SRPK2: variants seen among roughly 807,000 people sequenced by gnomAD.
SRPK2 encodes the protein SFRS protein kinase 2.
A neutral mutation model predicts 90.8 loss-of-function variants in SRPK2; 21 were observed. The ratio of observed to expected loss-of-function variants is 0.23; its 90% CI spans 0.16 to 0.33. The LOEUF is 0.33. SRPK2 is among the 10% of genes least tolerant of loss of function. SRPK2 has a pLI of 1.00. For missense variants in SRPK2, 620 were observed against 869.0 expected, an observed-to-expected ratio of 0.71 and a Z score of 3.60; for synonymous variants, 288 against 311.1, an observed-to-expected ratio of 0.93 and a Z score of 0.78.
chr7:105,316,776 C>T (rs1420719531), intron 2 of SRPK2, among the ~76,000 whole-genome samples: 1 of 152,216 alleles, frequency 6.6e-6, no homozygotes, highest in Non-Finnish European at 1.5e-5. Context: ...CATGTGGAGG[C>T]AAGCATGGCC....
In SRPK2 at chr7:105,157,205, G is replaced by C. The variant is rs145470284; in HGVS notation, c.621+3302C>G. Among the ~76,000 whole-genome samples the C allele has an allele frequency of 3.4e-3, 512 of 152,294 alleles. 1 individual carries two copies. The highest frequency in any genetic ancestry group is 9.3e-3 in the African/African-American group (387 of 41,568). Reference sequence around the variant, plus strand: ...AAGAACATCAAGAGTAAAAGACATGGCAAAGGAGAGTTCAACAGGCGGGTT... The same window carrying C: ...AAGAACATCAAGAGTAAAAGACATGCCAAAGGAGAGTTCAACAGGCGGGTT... On this transcript the variant is annotated intron_variant, in intron 7 of 15. Transcript: ENST00000393651.
chr7:105,223,823 G>A (rs1798387034), intron 2 of SRPK2, among the ~76,000 whole-genome samples: 1 of 152,184 alleles, frequency 6.6e-6, no homozygotes, highest in African/African-American at 2.4e-5. Context: ...AAATACCTAA[G>A]TGTGCTTCAT....
Position 105,321,406 on chromosome 7 carries a change from TGGG to T in SRPK2, c.71+67239_71+67241del, listed in dbSNP as rs141386093. Among the ~76,000 whole-genome samples, 27 of 152,288 alleles carry T rather than the reference TGGG, an allele frequency of 1.8e-4. No individual in the cohort carries two copies. The East Asian group carries it at 5.2e-3, about 29-fold the overall frequency. On this transcript the variant is annotated intron_variant, in intron 2 of 15. Coordinates refer to ENST00000393651, the MANE Select transcript of SRPK2 (RefSeq NM_182692.3). ...ACATACAGGTAAATCTTCATGACCT[TGGG>T]TATGACAACAGATTCTTAGATATAA...
Position 105,359,483 on chromosome 7 carries a change from A to T in SRPK2, c.71+29165T>A, listed in dbSNP as rs114106297. Among the ~76,000 whole-genome samples the T allele has an allele frequency of 6.7e-3, 1,015 of 152,214 alleles. 14 individuals are homozygous for T. Among genetic ancestry groups the T allele is most frequent in the African/African-American group, 0.023 (958 of 41,540 alleles). On this transcript the variant is annotated intron_variant, in intron 2 of 15. Transcript: ENST00000393651. ...CACAGCACTATTTATTAAGTGGATCATCATAAAGGTCTCCATGCTTATCAA... is the reference window on the plus strand; with the variant it reads ...CACAGCACTATTTATTAAGTGGATCTTCATAAAGGTCTCCATGCTTATCAA...
At chr7:105,187,602 G>C (rs549263038) in intron 3 of SRPK2, among the ~76,000 whole-genome samples, 1 of 152,052 alleles carries the variant, frequency 6.6e-6, no homozygotes, top group Non-Finnish European at 1.5e-5. Context: ...AAATCCTTCC[G>C]TCTTGAAAAC....
chr7:105,129,912 A>G (rs1044096156), intron 13 of SRPK2, among the ~76,000 whole-genome samples: 3 of 152,098 alleles, frequency 2.0e-5, no homozygotes, highest in Non-Finnish European at 4.4e-5. Context: ...AGTTTGTTGG[A>G]ATGGCTTTTC....
chr7:105,263,758 C>A (rs1343524273), intron 2 of SRPK2, among the ~76,000 whole-genome samples: 1 of 151,896 alleles, frequency 6.6e-6, no homozygotes, highest in Non-Finnish European at 1.5e-5. Context: ...ACAAAACAAA[C>A]AAACAAAAAC....
At chr7:105,243,220 T>C (rs1387709615) in intron 2 of SRPK2, among the ~76,000 whole-genome samples, 1 of 152,110 alleles carries the variant, frequency 6.6e-6, no homozygotes, top group African/African-American at 2.4e-5. Context: ...CCCAGGCTTG[T>C]CTTAAACTCC....
intron 2 of SRPK2, among the ~76,000 whole-genome samples, chr7:105,364,456 G>A (rs796316654): frequency 1.8e-4 from 27 of 149,838 alleles, no homozygotes; most frequent in African/African-American, 5.4e-4. Flanking sequence ...GCTGGAGTGC[G>A]GTGCCATGAT....
chr7:105,340,611 G>T (rs2131871036), intron 2 of SRPK2, among the ~76,000 whole-genome samples: 1 of 151,800 alleles, frequency 6.6e-6, no homozygotes, highest in Non-Finnish European at 1.5e-5. Flanking sequence ...GTTTTGAGGT[G>T]GGTTTGTCTT....
At chr7:105,364,567 A>AT (rs1585901307) in intron 2 of SRPK2, among the ~76,000 whole-genome samples, 4 of 151,446 alleles carry the variant, frequency 2.6e-5, no homozygotes, top group South Asian at 4.2e-4. Context: ...TGCCTAGCTA[A>AT]TTTTTTTTGT....
At position 105,133,115 on chromosome 7, in the gene SRPK2, C is replaced by G; in HGVS notation, c.1544-11G>C. 6.2e-7 allele frequency: 1 copy of G among 1,613,714 alleles called. No individual in the cohort carries two copies. The highest frequency in any genetic ancestry group is 8.5e-7 in the Non-Finnish European group (1 of 1,179,598). ...CTGCCCGGGTTTTTGCTGGCATGAGCAAACAGCAGGACAGTTAGTGATCGG... is the reference window on the plus strand; with the variant it reads ...CTGCCCGGGTTTTTGCTGGCATGAGGAAACAGCAGGACAGTTAGTGATCGG... On this transcript the variant is annotated splice_polypyrimidine_tract_variant and intron_variant, in intron 11 of 15. Transcript: ENST00000393651.
chr7:105,293,511 C>G (rs895612593), intron 2 of SRPK2, among the ~76,000 whole-genome samples: 1 of 151,984 alleles, frequency 6.6e-6, no homozygotes, highest in Non-Finnish European at 1.5e-5. Context: ...CACCCCGCCC[C>G]GGGTTTCAAG....
At chr7:105,272,409 T>C (rs146054477) in intron 2 of SRPK2, among the ~76,000 whole-genome samples, 2,310 of 152,356 alleles carry the variant, frequency 0.015, 24 homozygotes, top group Non-Finnish European at 0.021. Context: ...CCTGTGTAGT[T>C]TGAATAAATA....
chr7:105,339,390 G>A (rs983083289), intron 2 of SRPK2, among the ~76,000 whole-genome samples: 1 of 151,960 alleles, frequency 6.6e-6, no homozygotes. Flanking sequence ...TGTGATCCAG[G>A]GTCTATGAAC....
intron 2 of SRPK2, among the ~76,000 whole-genome samples, chr7:105,326,241 T>C (rs561489460): frequency 1.3e-5 from 2 of 152,316 alleles, no homozygotes; most frequent in South Asian, 4.1e-4. Context: ...AACTAGACTA[T>C]TGCAACAGCA....
At chr7:105,214,886 A>T (rs1563093787) in intron 2 of SRPK2, among the ~76,000 whole-genome samples, 3 of 152,192 alleles carry the variant, frequency 2.0e-5, no homozygotes, top group Non-Finnish European at 4.4e-5. Flanking sequence ...GAATAGTCAA[A>T]CAATCATGAA....
intron 6 of SRPK2, among the ~76,000 whole-genome samples, chr7:105,162,316 A>G (rs1300865259): frequency 1.3e-5 from 2 of 152,236 alleles, no homozygotes; most frequent in Non-Finnish European, 2.9e-5. Flanking sequence ...TGCTGGGATT[A>G]CAGGCATGAG....
At position 105,247,515 on chromosome 7, in the gene SRPK2, AACACACACACACATAAACACACACAC is replaced by A. The variant is rs1424352100; in HGVS notation, c.72-43756_72-43731del. Among the ~76,000 whole-genome samples the A allele has an allele frequency of 3.7e-3, 341 of 92,642 alleles. 1 individual carries two copies. Among genetic ancestry groups the A allele is most frequent in the African/African-American group, 0.013 (325 of 24,722 alleles). 60.8% of individuals were successfully genotyped at this position (92,642 alleles called of 152,430 possible). ...CACCGGAGTGCCATACATACCAAAA[AACACACACACACATAAACACACACAC>A]ACACACACACACACACACACAGAAG... On this transcript the variant is annotated intron_variant, in intron 2 of 15. Coordinates refer to ENST00000393651, the MANE Select transcript of SRPK2 (RefSeq NM_182692.3).
Sources: allele counts gnomAD v4.1 joint callset (sites outside exome capture counted in the v4.1 genomes callset), GRCh38; gene constraint gnomAD v4.1.1; transcripts MANE v1.5; gene names NCBI Gene and HGNC (gene_info 2026-07-23, HGNC 2026-07-21).